DYM: variants seen among roughly 807,000 people sequenced by gnomAD.
The protein encoded by DYM is dyggve-Melchior-Clausen syndrome protein.
DYM carries 78 observed loss-of-function variants against 93.1 expected under a neutral mutation model. That is an observed-to-expected ratio of 0.84 (90% CI 0.70 to 1.01). DYM has a LOEUF of 1.01. DYM is among the 50% of genes least tolerant of loss of function. The probability of loss-of-function intolerance (pLI) is 0.00; values close to 1 mark genes in which losing one functional copy is unlikely to be tolerated. For missense variants in DYM, 789 were observed against 845.0 expected (o/e 0.93, Z 0.82); for synonymous variants, 321 against 319.7 (o/e 1.00, Z -0.04).
intron 10 of DYM, among the ~76,000 whole-genome samples, chr18:49,274,925 T>A (rs1295530328): frequency 6.6e-6 from 1 of 152,190 alleles, no homozygotes; most frequent in Non-Finnish European, 1.5e-5. Flanking sequence ...TCACATTTTG[T>A]GGGCTGTTTT....
At chr18:49,360,516 G>T (rs1428058506) in intron 6 of DYM, among the ~76,000 whole-genome samples, 1 of 152,006 alleles carries the variant, frequency 6.6e-6, no homozygotes, top group Non-Finnish European at 1.5e-5. Flanking sequence ...CAGCTACTCA[G>T]GAGGCTGAGG....
chr18:49,196,508 A>G (rs573185364), intron 14 of DYM, among the ~76,000 whole-genome samples: 6 of 152,258 alleles, frequency 3.9e-5, no homozygotes, highest in Admixed American at 1.3e-4. Flanking sequence ...TCTTAGAGTG[A>G]GAGTGACAGC....
intron 16 of DYM, among the ~76,000 whole-genome samples, chr18:49,107,220 C>T (rs1025890725): frequency 6.6e-6 from 1 of 152,176 alleles, no homozygotes; most frequent in African/African-American, 2.4e-5. Context: ...CTTGTGCATT[C>T]GTCACGTAGT....
At chr18:49,386,235 G>A (rs78245889) in intron 3 of DYM, among the ~76,000 whole-genome samples, 12,160 of 152,004 alleles carry the variant, frequency 0.08, 770 homozygotes, top group East Asian at 0.31. Flanking sequence ...GAGACCAGAA[G>A]GCAGTAGAAT....
At chr18:49,069,411 G>A (rs2076710505) in intron 17 of DYM, among the ~76,000 whole-genome samples, 5 of 152,148 alleles carry the variant, frequency 3.3e-5, no homozygotes, top group Admixed American at 6.5e-5. Flanking sequence ...TGTTTCTCAA[G>A]GGTAGAGATG....
At chr18:49,183,295 A>T (rs1482816453) in intron 14 of DYM, among the ~76,000 whole-genome samples, 2 of 152,220 alleles carry the variant, frequency 1.3e-5, no homozygotes, top group African/African-American at 4.8e-5. Context: ...TCATTGTGAA[A>T]ATCAACATAT....
intron 2 of DYM, chr18:49,413,135 G>A (rs950850023): frequency 2.0e-5 from 3 of 152,206 alleles, no homozygotes; most frequent in African/African-American, 7.2e-5. Context: ...ATGAAACTGG[G>A]TCTCAGATTA....
At chr18:49,245,533 T>C (rs2094144719) in intron 13 of DYM, among the ~76,000 whole-genome samples, 1 of 152,112 alleles carries the variant, frequency 6.6e-6, no homozygotes. Flanking sequence ...ACGCCCTGGT[T>C]TCCTGCAGTA....
At chr18:49,206,612 G>C (rs1028135356) in intron 14 of DYM, 3 of 152,362 alleles carry the variant, frequency 2.0e-5, no homozygotes, top group African/African-American at 7.2e-5. Flanking sequence ...GTCCTGAATA[G>C]AACAGTGTCC....
intron 13 of DYM, among the ~76,000 whole-genome samples, chr18:49,218,020 CAG>C (rs1201631060): frequency 6.6e-6 from 1 of 151,914 alleles, no homozygotes; most frequent in Non-Finnish European, 1.5e-5. Flanking sequence ...ATCTCACGTG[CAG>C]AGACACAAAT....
chr18:49,124,512 A>C (rs1242622861), intron 15 of DYM, among the ~76,000 whole-genome samples: 1 of 150,164 alleles, frequency 6.7e-6, no homozygotes, highest in Non-Finnish European at 1.5e-5. Flanking sequence ...CTGTCTCAAA[A>C]AAAAAAAAAA....
intron 3 of DYM, among the ~76,000 whole-genome samples, chr18:49,380,253 AC>A (rs1173082760): frequency 1.1e-4 from 16 of 152,316 alleles, no homozygotes; most frequent in Admixed American, 9.8e-4. Context: ...ATTTGACCAG[AC>A]AAAACTTTAA....
At chr18:49,379,630 A>C (rs367775149) in intron 4 of DYM, 35 bp downstream of exon 4, 2 of 1,511,588 alleles carry the variant, frequency 1.3e-6, no homozygotes, top group African/African-American at 2.7e-5. Context: ...ACATTGTTAA[A>C]TATAAAGCAA....
chr18:49,401,746 CT>C (rs1568382227), intron 2 of DYM, among the ~76,000 whole-genome samples: 1 of 152,140 alleles, frequency 6.6e-6, no homozygotes, highest in Non-Finnish European at 1.5e-5. Flanking sequence ...CACAACTAGG[CT>C]GGGTGCTGTG....
chr18:49,270,061 G>A (rs28842890), intron 11 of DYM, among the ~76,000 whole-genome samples: 1 of 152,090 alleles, frequency 6.6e-6, no homozygotes, highest in South Asian at 2.1e-4. Context: ...CAGTAACAAC[G>A]CTGTACTGGT....
At chr18:49,169,954 C>A (rs181429140) in intron 14 of DYM, among the ~76,000 whole-genome samples, 1 of 151,942 alleles carries the variant, frequency 6.6e-6, no homozygotes, top group East Asian at 1.9e-4. Flanking sequence ...CAGCATGGAG[C>A]GGGAAAGAAG....
rs372175848 is a variant in DYM at position 49,301,130 on chromosome 18, C to A, written c.764-14514G>T. ...AAAAGAAGATTTCAAATTAATAAAT[C>A]AAGGGGTCTTCATTCTAATATGGGG... On this transcript the variant is annotated intron_variant, in intron 8 of 17. Coordinates refer to ENST00000675505, the MANE Select transcript of DYM (RefSeq NM_001353214.3). Among the ~76,000 whole-genome samples the A allele has an allele frequency of 1.1e-4, 16 of 152,248 alleles. No individual in the cohort carries two copies. In the East Asian group the frequency reaches 1.9e-3, roughly 18 times the overall value.
At chr18:49,228,285 A>G (rs532832648) in intron 13 of DYM, among the ~76,000 whole-genome samples, 1 of 152,242 alleles carries the variant, frequency 6.6e-6, no homozygotes, top group South Asian at 2.1e-4. Flanking sequence ...GACAAGCACA[A>G]TTTAGGCTGG....
At chr18:49,255,214 G>A (rs113934344) in intron 13 of DYM, among the ~76,000 whole-genome samples, 3,806 of 152,258 alleles carry the variant, frequency 0.025, 146 homozygotes, top group African/African-American at 0.086. Context: ...AAAGTGATAC[G>A]GAGTTGTTAT....
Sources: gnomAD v4.1 joint callset for allele counts (sites outside exome capture counted in the v4.1 genomes callset) on GRCh38, gnomAD v4.1.1 for gene constraint, MANE v1.5 for transcripts, NCBI Gene and HGNC (gene_info 2026-07-23, HGNC 2026-07-21) for gene names.